The following FHIT variants were observed in gnomAD, a reference collection of about 807,000 sequenced individuals.
FHIT encodes the protein fragile histidine triad diadenosine triphosphatase.
Under a neutral mutation model 17.9 loss-of-function variants are expected in FHIT, and 19 were observed. That is an observed-to-expected ratio of 1.06 (90% confidence interval 0.74 to 1.56). The LOEUF (loss-of-function observed/expected upper bound fraction) is 1.56, where lower values mean the gene tolerates loss of function less well. Ranked by LOEUF, FHIT falls within the 40% of genes most tolerant of loss-of-function variation. The pLI is 0.00. For synonymous variants in FHIT, 81 were observed against 69.7 expected, an observed-to-expected ratio of 1.16 and a Z score of -0.81; for missense variants, 248 against 189.2, an observed-to-expected ratio of 1.31 and a Z score of -1.82.
At chr3:60,844,887 C>A (rs1367692075) in intron 3 of FHIT, among the ~76,000 whole-genome samples, 1 of 152,076 alleles carries the variant, frequency 6.6e-6, no homozygotes, top group Non-Finnish European at 1.5e-5. Flanking sequence ...TCCCCTATGA[C>A]CCCCTGATCA....
At chr3:60,834,635 A>G (rs1194452153) in intron 3 of FHIT, among the ~76,000 whole-genome samples, 2 of 151,996 alleles carry the variant, frequency 1.3e-5, no homozygotes, top group African/African-American at 2.4e-5. Context: ...AGGAGGGTGG[A>G]TCTTTTGAGG....
intron 5 of FHIT, among the ~76,000 whole-genome samples, chr3:60,145,489 A>G (rs1700202145): frequency 6.6e-6 from 1 of 152,202 alleles, no homozygotes; most frequent in African/African-American, 2.4e-5. Flanking sequence ...AATTTAGTTC[A>G]GATGACTAAA....
At chr3:60,547,736 T>C (rs550752574) in intron 4 of FHIT, among the ~76,000 whole-genome samples, 1 of 152,102 alleles carries the variant, frequency 6.6e-6, no homozygotes, top group Non-Finnish European at 1.5e-5. Context: ...TTAATAAACA[T>C]AAAAGAAACA....
At chr3:60,250,615 T>C (rs1705654945) in intron 5 of FHIT, among the ~76,000 whole-genome samples, 1 of 152,176 alleles carries the variant, frequency 6.6e-6, no homozygotes, top group Non-Finnish European at 1.5e-5. Flanking sequence ...TACAGTGGCA[T>C]TTAAGAGCTC....
intron 5 of FHIT, among the ~76,000 whole-genome samples, chr3:60,048,542 C>T (rs77129462): frequency 0.035 from 5,365 of 152,212 alleles, 138 homozygotes; most frequent in Middle Eastern, 0.12. Flanking sequence ...TGGGTTAGGG[C>T]TTCGGTGTGA....
At position 61,020,324 on chromosome 3, in the gene FHIT, C is replaced by T. The variant is rs935884286; in HGVS notation, c.-111+21723G>A. 2.0e-5 allele frequency among the ~76,000 whole-genome samples: 3 copies of T among 152,180 alleles called. No homozygotes were observed. The East Asian group carries it at 5.8e-4, about 29-fold the overall frequency. ...TTTTTCTTCATATTTTTGTTGGCCA[C>T]ATAAATGTCTTCTTTTGAGAAGTGT... is the stretch of plus-strand genomic sequence containing the variant. On this transcript the variant is annotated intron_variant, in intron 3 of 9. Transcript: ENST00000492590.
At chr3:60,895,665 C>CCTTCCTTCCTTT (rs1351920997) in intron 3 of FHIT, among the ~76,000 whole-genome samples, 9 of 107,010 alleles carry the variant, frequency 8.4e-5, no homozygotes, top group African/African-American at 3.0e-4. Context: ...TTCCTTCCTT[C>CCTTCCTTCCTTT]CTTTCTTTCT....
chr3:60,838,784 A>G (rs1249959080), intron 3 of FHIT, among the ~76,000 whole-genome samples: 4 of 152,172 alleles, frequency 2.6e-5, no homozygotes, highest in Non-Finnish European at 2.9e-5. Context: ...AAACATGTGA[A>G]AAATAATTAC....
chr3:60,873,689 G>C (rs1211478648), intron 3 of FHIT, among the ~76,000 whole-genome samples: 1 of 152,152 alleles, frequency 6.6e-6, no homozygotes, highest in African/African-American at 2.4e-5. Flanking sequence ...AAGCTTAACT[G>C]GCTGATAGCT....
chr3:60,558,384 A>G (rs1452926176), intron 4 of FHIT, among the ~76,000 whole-genome samples: 2 of 151,706 alleles, frequency 1.3e-5, no homozygotes, highest in Non-Finnish European at 2.9e-5. Flanking sequence ...GTTGCTCCCA[A>G]CTTAAATATT....
rs759830544 is a variant in FHIT at position 60,002,303 on chromosome 3, G to GTTGT, written c.279+9064_279+9067dup. 6.6e-5 allele frequency among the ~76,000 whole-genome samples: 10 copies of GTTGT among 151,962 alleles called. No individual in the cohort carries two copies. The East Asian group carries it at 1.4e-3, about 21-fold the overall frequency. On this transcript the variant is annotated intron_variant, in intron 7 of 9. Transcript: ENST00000492590. The stretch of plus-strand genomic sequence containing the variant: ...GTTTGTGTGTGTTTTTTTGTTTGTT[G>GTTGT]TTGTTTGTTTGTTTGTTTGTTGCCC...
intron 2 of FHIT, among the ~76,000 whole-genome samples, chr3:61,058,199 CTA>C (rs1184330707): frequency 6.6e-6 from 1 of 152,060 alleles, no homozygotes. Context: ...TGCTATAGGT[CTA>C]TGATTATATA....
chr3:61,101,071 G>A (rs1039189796), intron 2 of FHIT, among the ~76,000 whole-genome samples: 4 of 152,030 alleles, frequency 2.6e-5, no homozygotes, highest in South Asian at 2.1e-4. Context: ...TAATTAGATC[G>A]CATTTGTCAG....
In FHIT at chr3:60,303,370, A is replaced by C. The variant is rs144903361; in HGVS notation, c.103+233490T>G. 4.3e-3 allele frequency among the ~76,000 whole-genome samples: 656 copies of C among 152,304 alleles called. 2 individuals carry two copies. The highest frequency in any genetic ancestry group is 0.015 in the African/African-American group (622 of 41,586). ...CAGCTCTCTTGCCAGTTTGATTGCCAAATGCTGCCTGTGACACAGTAAAGA... is the reference window on the plus strand; with the variant it reads ...CAGCTCTCTTGCCAGTTTGATTGCCCAATGCTGCCTGTGACACAGTAAAGA... On this transcript the variant is annotated intron_variant, in intron 5 of 9. Transcript: ENST00000492590.
At chr3:60,963,508 T>C (rs151118270) in intron 3 of FHIT, among the ~76,000 whole-genome samples, 1 of 152,360 alleles carries the variant, frequency 6.6e-6, no homozygotes, top group Non-Finnish European at 1.5e-5. Flanking sequence ...TCTAGTTCTT[T>C]TAATTGTGAT....
intron 5 of FHIT, among the ~76,000 whole-genome samples, chr3:60,404,799 G>A (rs929708808): frequency 6.6e-6 from 1 of 152,076 alleles, no homozygotes; most frequent in African/African-American, 2.4e-5. Context: ...TATTGGAGAT[G>A]TTTCCAGTAT....
At chr3:59,784,371 CTAGTCAGAG>C (rs1233373719) in intron 8 of FHIT, among the ~76,000 whole-genome samples, 4 of 152,222 alleles carry the variant, frequency 2.6e-5, no homozygotes, top group South Asian at 4.1e-4. Context: ...TCAGATGGTG[CTAGTCAGAG>C]GGTGCTAGTC....
intron 7 of FHIT, among the ~76,000 whole-genome samples, 165 bp from the exon 8 acceptor site, chr3:59,922,579 G>A (rs1234928318): frequency 1.3e-5 from 2 of 152,156 alleles, no homozygotes; most frequent in African/African-American, 4.8e-5. Flanking sequence ...GAAATCTGCC[G>A]AGAAGAGAGT....
intron 5 of FHIT, among the ~76,000 whole-genome samples, chr3:60,532,771 G>A (rs241699): frequency 0.06 from 9,147 of 152,258 alleles, 373 homozygotes; most frequent in Non-Finnish European, 0.083. Context: ...CTTCAAAAGC[G>A]TATCTTTGGC....
Sources: gnomAD v4.1 joint callset for allele counts (sites outside exome capture counted in the v4.1 genomes callset) on GRCh38, gnomAD v4.1.1 for gene constraint, MANE v1.5 for transcripts, NCBI Gene and HGNC (gene_info 2026-07-23, HGNC 2026-07-21) for gene names.